The following MAMDC2 variants were observed in gnomAD, a reference collection of about 807,000 sequenced individuals.
The protein encoded by MAMDC2 is MAM domain-containing protein 2.
Under a neutral mutation model 89.8 loss-of-function variants are expected in MAMDC2, and 57 were observed. The observed-to-expected ratio is 0.63, with a 90% CI of 0.51 to 0.79. The LOEUF (loss-of-function observed/expected upper bound fraction) is 0.79. Ranked by LOEUF, MAMDC2 falls within the 30% of genes least tolerant of loss-of-function variation. The pLI, the probability that MAMDC2 is intolerant of heterozygous loss-of-function variation, is 0.00. For missense variants in MAMDC2, 800 were observed against 820.6 expected (o/e 0.97, Z 0.31); for synonymous variants, 313 against 293.4 (o/e 1.07, Z -0.68).
rs1348778200 is a variant in MAMDC2 at position 70,044,577 on chromosome 9, C to T, written c.35-7C>T. 8.4e-6 allele frequency: 13 copies of T among 1,547,920 alleles called. No homozygotes were observed. The highest frequency in any genetic ancestry group is 1.1e-5 in the Non-Finnish European group (13 of 1,146,112). ...AGCTCGAACTGAAACTCGCTTTGTG[C>T]CCGCAGCCCTGCAGCTCGCCGGTGC... On this transcript the variant is annotated splice_region_variant and splice_polypyrimidine_tract_variant and intron_variant, in intron 1 of 13. Coordinates refer to ENST00000377182, the MANE Select transcript of MAMDC2 (RefSeq NM_153267.5).
chr9:70,050,707 T>A (rs754722590), intron 2 of MAMDC2, among the ~76,000 whole-genome samples: 48 of 152,234 alleles, frequency 3.2e-4, no homozygotes, highest in Non-Finnish European at 6.3e-4. Flanking sequence ...CTCAGACAGC[T>A]TTCCAAAACA....
chr9:70,208,528 T>G (rs2033279201), intron 11 of MAMDC2, among the ~76,000 whole-genome samples: 1 of 152,184 alleles, frequency 6.6e-6, no homozygotes, highest in African/African-American at 2.4e-5. Context: ...TTAAGGATAT[T>G]TTGGGCTGAG....
chr9:70,211,148 T>A (rs1033895211), intron 11 of MAMDC2, among the ~76,000 whole-genome samples: 1 of 152,208 alleles, frequency 6.6e-6, no homozygotes, highest in South Asian at 2.1e-4. Context: ...GTTCTCTGAA[T>A]TTCCTGAATT....
intron 10 of MAMDC2, chr9:70,169,567 A>C (rs967126314): frequency 2.6e-5 from 4 of 152,356 alleles, no homozygotes; most frequent in African/African-American, 9.6e-5. Flanking sequence ...AAGGCATAGA[A>C]GAAAGAATGA....
At chr9:70,193,598 C>G (rs1386263505) in intron 11 of MAMDC2, among the ~76,000 whole-genome samples, 1 of 96,678 alleles carries the variant, frequency 1.0e-5, no homozygotes, top group Non-Finnish European at 2.1e-5. Flanking sequence ...TTTTCTGTGT[C>G]TCCTTTTCAT....
intron 11 of MAMDC2, among the ~76,000 whole-genome samples, chr9:70,210,909 G>T (rs1189926076): frequency 2.0e-5 from 3 of 152,188 alleles, no homozygotes; most frequent in African/African-American, 7.2e-5. Flanking sequence ...GGCTGGATAT[G>T]AAATTCTGGG....
chr9:70,202,736 T>C (rs10868690), intron 11 of MAMDC2, among the ~76,000 whole-genome samples: 134,797 of 148,380 alleles, frequency 0.91, 61,463 homozygotes, highest in East Asian at 0.98. Context: ...AATCTGGGTT[T>C]TCCCGTATTA....
intron 11 of MAMDC2, among the ~76,000 whole-genome samples, chr9:70,205,639 G>A (rs1479279302): frequency 1.3e-5 from 2 of 152,118 alleles, no homozygotes; most frequent in Non-Finnish European, 2.9e-5. Context: ...AAGAACAGAG[G>A]GGACCCTGAT....
chr9:70,183,869 T>G (rs748889045), intron 11 of MAMDC2, among the ~76,000 whole-genome samples: 1 of 152,110 alleles, frequency 6.6e-6, no homozygotes, highest in Non-Finnish European at 1.5e-5. Context: ...TGTTATTTGA[T>G]TCTGTCATTA....
chr9:70,106,744 G>A (rs1828352454), intron 2 of MAMDC2, among the ~76,000 whole-genome samples: 1 of 152,228 alleles, frequency 6.6e-6, no homozygotes, highest in Non-Finnish European at 1.5e-5. Context: ...TCTGCACCCA[G>A]TGGGCGGTTG....
intron 11 of MAMDC2, among the ~76,000 whole-genome samples, chr9:70,197,328 G>A (rs1206927047): frequency 1.3e-5 from 2 of 152,156 alleles, no homozygotes; most frequent in Non-Finnish European, 2.9e-5. Flanking sequence ...AAGGCTTTCT[G>A]GGGATTGATG....
chr9:70,111,440 A>G (rs2997708), intron 4 of MAMDC2, among the ~76,000 whole-genome samples: 1 of 152,160 alleles, frequency 6.6e-6, no homozygotes, highest in Non-Finnish European at 1.5e-5. Flanking sequence ...TGGGTACTTT[A>G]TCTGCCTCTC....
intron 5 of MAMDC2, among the ~76,000 whole-genome samples, chr9:70,121,402 AT>A (rs919492001): frequency 9.3e-5 from 14 of 150,506 alleles, no homozygotes; most frequent in South Asian, 2.1e-4. Flanking sequence ...CTGAATTTGA[AT>A]TTTTTTTTTG....
Position 70,043,871 on chromosome 9 carries a change from G to A in MAMDC2, c.-327G>A. 2.4e-6 allele frequency: 1 copy of A among 415,118 alleles called. No homozygotes were observed. The highest frequency in any genetic ancestry group is 4.3e-6 in the Non-Finnish European group (1 of 230,580). 25.7% of individuals were successfully genotyped at this position (415,118 alleles called of 1,614,324 possible). On this transcript the variant is annotated 5_prime_UTR_variant, in exon 1 of 14. The change creates a new upstream start codon in the 5' untranslated region. Transcript: ENST00000377182. ...CCGACCTCTCCTCTCCCAGCCAGTC[G>A]TGGCTGGCCTTTCAAAGTGTGCAGT...
intron 2 of MAMDC2, among the ~76,000 whole-genome samples, chr9:70,080,510 T>G (rs141219620): frequency 2.6e-5 from 4 of 152,332 alleles, no homozygotes; most frequent in African/African-American, 9.6e-5. Context: ...TTGCTGGAAA[T>G]TTTTATTTTT....
At chr9:70,166,248 A>AC (rs1382819955) in intron 9 of MAMDC2, among the ~76,000 whole-genome samples, 2 of 150,370 alleles carry the variant, frequency 1.3e-5, no homozygotes, top group Admixed American at 6.7e-5. Flanking sequence ...ATCTCAAAAA[A>AC]AAAACAAAAC....
intron 12 of MAMDC2, among the ~76,000 whole-genome samples, chr9:70,219,440 C>T (rs949783654): frequency 6.6e-6 from 1 of 152,236 alleles, no homozygotes; most frequent in African/African-American, 2.4e-5. Flanking sequence ...GATAAACCTC[C>T]TGGACCAGCA....
intron 9 of MAMDC2, among the ~76,000 whole-genome samples, chr9:70,166,609 A>C (rs1206604384): frequency 6.6e-6 from 1 of 152,162 alleles, no homozygotes; most frequent in Admixed American, 6.6e-5. Context: ...ATTGTGCCGT[A>C]GTTCATTTAT....
intron 2 of MAMDC2, among the ~76,000 whole-genome samples, chr9:70,051,595 C>G (rs757297541): frequency 2.0e-5 from 3 of 152,154 alleles, no homozygotes; most frequent in African/African-American, 4.8e-5. Flanking sequence ...ACTTCTATAT[C>G]TTTTCAAACT....
Sources: gnomAD v4.1 joint callset for allele counts (sites outside exome capture counted in the v4.1 genomes callset) on GRCh38, gnomAD v4.1.1 for gene constraint, MANE v1.5 for transcripts, NCBI Gene and HGNC (gene_info 2026-07-23, HGNC 2026-07-21) for gene names.